SLC38A9: variants seen among roughly 807,000 people sequenced by gnomAD.
SLC38A9 encodes the protein solute carrier family 38 member 9, also known as neutral amino acid transporter 9.
In SLC38A9, 48 loss-of-function variants were observed where a neutral mutation model predicts 62.3. That is an observed-to-expected ratio of 0.77 (90% CI 0.61 to 0.98). The LOEUF is 0.98. Ranked by LOEUF, SLC38A9 falls within the 50% of genes least tolerant of loss-of-function variation. The probability of loss-of-function intolerance (pLI) is 0.00; values close to 1 mark genes in which losing one functional copy is unlikely to be tolerated. For missense variants in SLC38A9, 541 were observed against 679.8 expected, an observed-to-expected ratio of 0.80 and a Z score of 2.27; for synonymous variants, 204 against 227.7, an observed-to-expected ratio of 0.90 and a Z score of 0.94.
intron 11 of SLC38A9, among the ~76,000 whole-genome samples, chr5:55,646,134 G>A (rs1404933669): frequency 2.0e-5 from 3 of 152,216 alleles, no homozygotes; most frequent in Admixed American, 2.0e-4. Context: ...CTAACATTTT[G>A]GGAGGCCAAG....
At chr5:55,627,069 T>C (rs1742564283) in intron 15 of SLC38A9, among the ~76,000 whole-genome samples, 2 of 152,182 alleles carry the variant, frequency 1.3e-5, no homozygotes, top group African/African-American at 2.4e-5. Context: ...AATGCTACCA[T>C]GGCATTCAGC....
In SLC38A9 at chr5:55,691,190, G is replaced by A. The variant is rs770064253; in HGVS notation, c.113+6656C>T. 1.2e-4 allele frequency: 99 copies of A among 858,514 alleles called. No individual in the cohort carries two copies. The highest frequency in any genetic ancestry group is 6.4e-4 in the Middle Eastern group (3 of 4,692). 53.2% of individuals were successfully genotyped at this position (858,514 alleles called of 1,614,324 possible). A position where few individuals can be genotyped will look rare whatever the true frequency, so the allele number is the denominator to read the frequency against. On this transcript the variant is annotated intron_variant, in intron 3 of 15. Transcript: ENST00000396865. ...TTTTGGTTAGGACTTCATATTTACC[G>A]GATTCTCCATGTTAAAATGCAAATA...
At chr5:55,708,012 C>T (rs1312461330) in intron 2 of SLC38A9, among the ~76,000 whole-genome samples, 1 of 152,208 alleles carries the variant, frequency 6.6e-6, no homozygotes. Flanking sequence ...TGATCTTGGA[C>T]TTCCCAGCCT....
At chr5:55,656,265 C>T (rs1262946606) in intron 9 of SLC38A9, among the ~76,000 whole-genome samples, 1 of 149,766 alleles carries the variant, frequency 6.7e-6, no homozygotes, top group East Asian at 2.0e-4. Context: ...AGTTACTAAC[C>T]TCTGTTTATT....
At position 55,649,226 on chromosome 5, in the gene SLC38A9, T is replaced by C. The variant is rs776879745; in HGVS notation, c.1041A>G (p.Pro347=). The change falls in exon 11 of 16, where the codon CCA becomes CCG. Residue 347 remains proline, a synonymous_variant. Transcript: ENST00000396865. ...GCTCACCTGGTACAAAAAATTCTGT[T>C]GGTATAAACCAATGAAATTCCAAAT... ...GFHLEFHWFI[P]TEFFVPEIRF... The C allele has an allele frequency of 1.3e-6, 2 of 1,591,230 alleles. No homozygotes were observed. Among genetic ancestry groups the C allele is most frequent in the South Asian group, 2.3e-5 (2 of 85,150 alleles).
chr5:55,655,266 C>A (rs1748200172), intron 9 of SLC38A9, among the ~76,000 whole-genome samples: 2 of 131,544 alleles, frequency 1.5e-5, no homozygotes, highest in African/African-American at 5.4e-5. Flanking sequence ...TATAAACTGA[C>A]TTTGCTGATG....
rs955078417 is a variant in SLC38A9 at position 55,698,211 on chromosome 5, C to A, written c.-34-219G>T. On this transcript the variant is annotated intron_variant, in intron 2 of 15. Transcript: ENST00000396865. Reference sequence around the variant, plus strand: ...AAAAATAAGTGGGGCAATTCATTTTCAGTAATAAAACAGATTAGGCTATTC... The same window carrying A: ...AAAAATAAGTGGGGCAATTCATTTTAAGTAATAAAACAGATTAGGCTATTC... 2.6e-5 allele frequency among the ~76,000 whole-genome samples: 4 copies of A among 151,952 alleles called. No individual in the cohort carries two copies. In the South Asian group the frequency reaches 8.3e-4, roughly 32 times the overall value.
chr5:55,644,000 GCT>G (rs1745865134), intron 12 of SLC38A9, among the ~76,000 whole-genome samples: 1 of 152,058 alleles, frequency 6.6e-6, no homozygotes, highest in Non-Finnish European at 1.5e-5. Flanking sequence ...TTGCTCTGTT[GCT>G]CAGGCTGGAG....
chr5:55,695,463 A>C (rs1303074843), intron 3 of SLC38A9, among the ~76,000 whole-genome samples: 1 of 89,492 alleles, frequency 1.1e-5, no homozygotes, highest in Non-Finnish European at 2.7e-5. Context: ...GGGAGTGGTG[A>C]TGGCTCTTAA....
chr5:55,706,745 A>C (rs915238197), intron 2 of SLC38A9, among the ~76,000 whole-genome samples: 3 of 152,216 alleles, frequency 2.0e-5, no homozygotes, highest in African/African-American at 7.2e-5. Flanking sequence ...CAGTTGTCTC[A>C]ATTAGTCAAT....
chr5:55,657,795 A>T (rs1042289377), intron 8 of SLC38A9, among the ~76,000 whole-genome samples: 2 of 152,232 alleles, frequency 1.3e-5, no homozygotes, highest in African/African-American at 4.8e-5. Context: ...TTAGGTTTTA[A>T]GGTCATAAAA....
intron 3 of SLC38A9, among the ~76,000 whole-genome samples, chr5:55,686,564 T>C (rs1753846477): frequency 6.6e-6 from 1 of 152,208 alleles, no homozygotes; most frequent in South Asian, 2.1e-4. Flanking sequence ...TTCCACTCTG[T>C]AGGTTGTCTG....
At chr5:55,683,027 GAGA>G (rs1407592996) in intron 3 of SLC38A9, among the ~76,000 whole-genome samples, 4 of 151,834 alleles carry the variant, frequency 2.6e-5, no homozygotes, top group Admixed American at 1.3e-4. Flanking sequence ...TGGGGAAGAA[GAGA>G]AGAAGAGAGG....
chr5:55,631,010 G>A (rs1368378727), intron 14 of SLC38A9, among the ~76,000 whole-genome samples: 3 of 152,020 alleles, frequency 2.0e-5, no homozygotes, highest in African/African-American at 4.8e-5. Flanking sequence ...GTGGGTGCCT[G>A]TAATCCCAGC....
chr5:55,711,117 ACC>A (rs2150764940), intron 2 of SLC38A9, among the ~76,000 whole-genome samples: 2 of 149,724 alleles, frequency 1.3e-5, no homozygotes, highest in East Asian at 4.1e-4. Flanking sequence ...ACATGGTGAA[ACC>A]CCGTTTCTAC....
At chr5:55,671,009 C>T (rs964246809) in intron 4 of SLC38A9, among the ~76,000 whole-genome samples, 1 of 152,224 alleles carries the variant, frequency 6.6e-6, no homozygotes, top group African/African-American at 2.4e-5. Flanking sequence ...GAGATAGCTA[C>T]ATTCCAGTGA....
chr5:55,703,486 A>G (rs1756918158), intron 2 of SLC38A9, among the ~76,000 whole-genome samples: 3 of 152,198 alleles, frequency 2.0e-5, no homozygotes, highest in South Asian at 4.1e-4. Flanking sequence ...TAGCATAAAA[A>G]TGTTCTTGAC....
intron 2 of SLC38A9, among the ~76,000 whole-genome samples, chr5:55,710,850 C>T (rs1270378132): frequency 3.3e-5 from 5 of 150,416 alleles, no homozygotes; most frequent in African/African-American, 1.2e-4. Flanking sequence ...GATCTCTTGA[C>T]CTCGTGATCT....
chr5:55,648,816 A>G (rs1746857692), intron 11 of SLC38A9, among the ~76,000 whole-genome samples: 1 of 152,198 alleles, frequency 6.6e-6, no homozygotes, highest in Admixed American at 6.6e-5. Context: ...AGCACTACAC[A>G]TTGCATAGAG....
Sources: gnomAD v4.1 joint callset for allele counts (sites outside exome capture counted in the v4.1 genomes callset) on GRCh38, gnomAD v4.1.1 for gene constraint, MANE v1.5 for transcripts, NCBI Gene and HGNC (gene_info 2026-07-23, HGNC 2026-07-21) for gene names.